The following WWOX variants were observed in gnomAD, a reference collection of about 807,000 sequenced individuals.
WWOX encodes WW domain-containing oxidoreductase.
Under a neutral mutation model 46.2 loss-of-function variants are expected in WWOX, and 69 were observed. The observed-to-expected ratio is 1.49, with a 90% CI of 1.23 to 1.82. The LOEUF (loss-of-function observed/expected upper bound fraction) is 1.82, where lower values mean the gene tolerates loss of function less well. Ranked by LOEUF, WWOX falls within the 40% of genes most tolerant of loss-of-function variation. The probability of loss-of-function intolerance (pLI) is 0.00; values close to 1 mark genes in which losing one functional copy is unlikely to be tolerated. For synonymous variants in WWOX, 359 were observed against 202.6 expected (o/e 1.77, Z -6.56); for missense variants, 919 against 542.6 (o/e 1.69, Z -6.89).
intron 8 of WWOX, among the ~76,000 whole-genome samples, chr16:78,809,787 C>T (rs112784234): frequency 0.012 from 1,819 of 152,192 alleles, 32 homozygotes; most frequent in African/African-American, 0.042. Context: ...GGGAGGATAG[C>T]GGTGTGTTCA....
intron 8 of WWOX, among the ~76,000 whole-genome samples, chr16:79,106,421 G>A (rs561742371): frequency 6.6e-6 from 1 of 151,952 alleles, no homozygotes; most frequent in Non-Finnish European, 1.5e-5. Flanking sequence ...AAATTCTACT[G>A]ACTTAATCAA....
chr16:78,359,771 G>A (rs943763106), intron 5 of WWOX, among the ~76,000 whole-genome samples: 13 of 152,150 alleles, frequency 8.5e-5, no homozygotes, highest in African/African-American at 2.9e-4. Flanking sequence ...CTCATAATTC[G>A]GTGTGAGAAA....
intron 8 of WWOX, among the ~76,000 whole-genome samples, chr16:78,816,212 T>A (rs1379217444): frequency 1.3e-5 from 2 of 152,148 alleles, no homozygotes; most frequent in African/African-American, 2.4e-5. Flanking sequence ...GATGTAAAAT[T>A]TGGGACGCTG....
intron 8 of WWOX, among the ~76,000 whole-genome samples, chr16:78,538,924 A>G (rs140488667): frequency 9.2e-5 from 14 of 152,326 alleles, no homozygotes; most frequent in African/African-American, 1.2e-4. Flanking sequence ...TTCTGTTGCA[A>G]TTTCTTCCAT....
rs546737870 is a variant in WWOX, at chr16:78,540,974, T to C, written c.1056+108222T>C. 9.9e-5 allele frequency among the ~76,000 whole-genome samples: 15 copies of C among 152,260 alleles called. No individual in the cohort carries two copies. In the East Asian group the frequency reaches 2.9e-3, roughly 29 times the overall value. On this transcript the variant is annotated intron_variant, in intron 8 of 8. Transcript: ENST00000566780. ...GCGCTGGGACCAATAGAGATTTCTC[T>C]GAGAATTAGGTCCCCCACTATTAAT...
At chr16:79,171,350 GTTAT>G (rs950315625) in intron 8 of WWOX, among the ~76,000 whole-genome samples, 15 of 152,140 alleles carry the variant, frequency 9.9e-5, no homozygotes, top group African/African-American at 3.4e-4. Flanking sequence ...CACTATAGTT[GTTAT>G]TTATTTCCCA....
At chr16:79,110,947 C>T (rs940619695) in intron 8 of WWOX, 29 of 152,190 alleles carry the variant, frequency 1.9e-4, no homozygotes, top group African/African-American at 7.0e-4. Flanking sequence ...GGCCTTAATT[C>T]TTCTTCATGG....
intron 1 of WWOX, among the ~76,000 whole-genome samples, chr16:78,106,646 C>T (rs1215399250): frequency 1.3e-5 from 2 of 152,090 alleles, no homozygotes; most frequent in African/African-American, 4.8e-5. Context: ...GAACTCCTGA[C>T]CTCAGGTAAT....
chr16:78,536,786 G>A (rs1254717357), intron 8 of WWOX, among the ~76,000 whole-genome samples: 1 of 151,894 alleles, frequency 6.6e-6, no homozygotes, highest in Non-Finnish European at 1.5e-5. Context: ...TAGCTGATGT[G>A]GATTATTTCT....
At position 78,735,082 on chromosome 16, in the gene WWOX, G is replaced by T. The variant is rs183284492; in HGVS notation, c.1056+302330G>T. Among the ~76,000 whole-genome samples the T allele has an allele frequency of 1.9e-3, 282 of 151,458 alleles. 2 individuals carry two copies. The highest frequency in any genetic ancestry group is 0.01 in the Middle Eastern group (3 of 290). On this transcript the variant is annotated intron_variant, in intron 8 of 8. Transcript: ENST00000566780. Reference sequence around the variant, plus strand: ...GGGTTTCACCATGTTGGCCAGGCTGGTCTCGAACTCCTGACCTCAGATGAT... The same window carrying T: ...GGGTTTCACCATGTTGGCCAGGCTGTTCTCGAACTCCTGACCTCAGATGAT...
intron 8 of WWOX, among the ~76,000 whole-genome samples, chr16:78,593,998 T>G (rs1219189004): frequency 6.6e-6 from 1 of 152,160 alleles, no homozygotes; most frequent in African/African-American, 2.4e-5. Context: ...GAAACACTAT[T>G]TAAGTCTCAG....
intron 8 of WWOX, among the ~76,000 whole-genome samples, chr16:78,984,103 C>T (rs1013881856): frequency 1.3e-5 from 2 of 152,066 alleles, no homozygotes; most frequent in African/African-American, 4.8e-5. Context: ...TGGTCTCGAT[C>T]TCCTGACCTC....
intron 8 of WWOX, among the ~76,000 whole-genome samples, chr16:79,040,201 C>T (rs2047943600): frequency 6.6e-6 from 1 of 152,014 alleles, no homozygotes; most frequent in South Asian, 2.1e-4. Flanking sequence ...CTTGGTATGA[C>T]CTCCAAGTTC....
At chr16:78,975,847 C>T (rs560442289) in intron 8 of WWOX, among the ~76,000 whole-genome samples, 238 of 152,256 alleles carry the variant, frequency 1.6e-3, no homozygotes, top group African/African-American at 5.5e-3. Context: ...GCTCCTAGAA[C>T]CGTAAGGACC....
intron 5 of WWOX, among the ~76,000 whole-genome samples, chr16:78,328,813 T>A (rs2080691745): frequency 7.0e-6 from 1 of 143,252 alleles, no homozygotes; most frequent in Non-Finnish European, 1.5e-5. Flanking sequence ...TGGTTGACCT[T>A]TTGCCGATGT....
intron 5 of WWOX, among the ~76,000 whole-genome samples, chr16:78,324,335 C>A (rs2080560561): frequency 6.6e-6 from 1 of 152,080 alleles, no homozygotes; most frequent in African/African-American, 2.4e-5. Context: ...CCCTCACACA[C>A]CATTGGTGGG....
chr16:78,552,076 C>G (rs1349966280), intron 8 of WWOX: 6 of 152,184 alleles, frequency 3.9e-5, no homozygotes, highest in African/African-American at 1.4e-4. Flanking sequence ...CTGGGGCTCC[C>G]TCTGGAAAGA....
At chr16:78,725,106 T>A in intron 8 of WWOX, among the ~76,000 whole-genome samples, 1 of 152,086 alleles carries the variant, frequency 6.6e-6, no homozygotes, top group East Asian at 1.9e-4. Flanking sequence ...CCCATACTGT[T>A]CTTGGGGTAG....
At chr16:78,517,000 A>G (rs1192807301) in intron 8 of WWOX, among the ~76,000 whole-genome samples, 2 of 152,112 alleles carry the variant, frequency 1.3e-5, no homozygotes, top group Non-Finnish European at 2.9e-5. Flanking sequence ...GAAAATAGTG[A>G]ATTTCAAGTG....
Sources: allele counts gnomAD v4.1 joint callset (sites outside exome capture counted in the v4.1 genomes callset), GRCh38; gene constraint gnomAD v4.1.1; transcripts MANE v1.5; gene names NCBI Gene and HGNC (gene_info 2026-07-23, HGNC 2026-07-21).